Variants in TMEFF2 observed in about 807,000 individuals in gnomAD.
TMEFF2 encodes tomoregulin-2.
Under a neutral mutation model 53.8 loss-of-function variants are expected in TMEFF2, and 28 were observed. The observed-to-expected ratio is 0.52, with a 90% CI of 0.39 to 0.71. The LOEUF (loss-of-function observed/expected upper bound fraction) is 0.71. TMEFF2 is among the 30% of genes least tolerant of loss of function. The pLI is 0.00. For missense variants in TMEFF2, 353 were observed against 455.2 expected, an observed-to-expected ratio of 0.78 and a Z score of 2.04; for synonymous variants, 162 against 166.3, an observed-to-expected ratio of 0.97 and a Z score of 0.20.
intron 4 of TMEFF2, among the ~76,000 whole-genome samples, chr2:192,149,427 C>A (rs1466028715): frequency 1.3e-5 from 2 of 151,826 alleles, no homozygotes; most frequent in Non-Finnish European, 2.9e-5. Flanking sequence ...AAAAATAGCT[C>A]CAATTATGCT....
intron 4 of TMEFF2, among the ~76,000 whole-genome samples, chr2:192,097,354 A>G (rs1688937320): frequency 6.6e-6 from 1 of 152,232 alleles, no homozygotes; most frequent in African/African-American, 2.4e-5. Flanking sequence ...GTATCATCTT[A>G]TCTACTCAAT....
At chr2:192,080,812 T>C (rs1688534152) in intron 4 of TMEFF2, among the ~76,000 whole-genome samples, 1 of 152,188 alleles carries the variant, frequency 6.6e-6, no homozygotes, top group African/African-American at 2.4e-5. Flanking sequence ...CAAATTTTCA[T>C]CTTCTGCTTC....
At chr2:191,960,156 A>C (rs1043232667) in intron 7 of TMEFF2, among the ~76,000 whole-genome samples, 2 of 152,106 alleles carry the variant, frequency 1.3e-5, no homozygotes, top group African/African-American at 4.8e-5. Context: ...TACAGTCGTG[A>C]GTCACTACAC....
intron 5 of TMEFF2, among the ~76,000 whole-genome samples, chr2:192,048,409 C>T (rs976634384): frequency 3.7e-5 from 5 of 134,984 alleles, no homozygotes; most frequent in African/African-American, 1.4e-4. Context: ...AAATATATCT[C>T]CAAATTTCAC....
At chr2:192,114,943 A>G (rs1285304351) in intron 4 of TMEFF2, among the ~76,000 whole-genome samples, 1 of 152,038 alleles carries the variant, frequency 6.6e-6, no homozygotes, top group Non-Finnish European at 1.5e-5. Context: ...TGTATATCAA[A>G]TCATCACACT....
Position 191,994,246 on chromosome 2 carries a change from A to C in TMEFF2, c.745+4016T>G, listed in dbSNP as rs148814309. On this transcript the variant is annotated intron_variant, in intron 7 of 9. Coordinates refer to ENST00000272771, the MANE Select transcript of TMEFF2 (RefSeq NM_016192.4). Reference sequence around the variant, plus strand: ...TATTTAAACAATTTCAATTTAAAAAATATGGAAGAAAAATACAAATGTATT... The same window carrying C: ...TATTTAAACAATTTCAATTTAAAAACTATGGAAGAAAAATACAAATGTATT... 1.6e-4 allele frequency among the ~76,000 whole-genome samples: 24 copies of C among 152,112 alleles called. No homozygotes were observed. The East Asian group carries it at 4.2e-3, about 27-fold the overall frequency.
At chr2:191,951,081 C>A (rs1442276267) in intron 9 of TMEFF2, among the ~76,000 whole-genome samples, 1 of 151,256 alleles carries the variant, frequency 6.6e-6, no homozygotes, top group African/African-American at 2.4e-5. Flanking sequence ...TTATAATAAT[C>A]TGTGAAGTAT....
At chr2:191,992,889 C>T (rs1291652218) in intron 7 of TMEFF2, among the ~76,000 whole-genome samples, 2 of 151,964 alleles carry the variant, frequency 1.3e-5, no homozygotes, top group Admixed American at 6.6e-5. Context: ...CTGGAACTGC[C>T]AAATGGTTAA....
At chr2:191,993,321 G>A (rs2105828711) in intron 7 of TMEFF2, among the ~76,000 whole-genome samples, 1 of 152,038 alleles carries the variant, frequency 6.6e-6, no homozygotes, top group African/African-American at 2.4e-5. Flanking sequence ...TGAGATTAAT[G>A]TATAAATTAT....
intron 5 of TMEFF2, among the ~76,000 whole-genome samples, chr2:192,038,701 G>T (rs963066922): frequency 6.6e-6 from 1 of 152,034 alleles, no homozygotes; most frequent in Non-Finnish European, 1.5e-5. Flanking sequence ...GCCCAGGCTG[G>T]TCTAGAACTC....
intron 5 of TMEFF2, among the ~76,000 whole-genome samples, chr2:192,010,159 CATCTT>C (rs1461757881): frequency 6.6e-6 from 1 of 152,144 alleles, no homozygotes; most frequent in Non-Finnish European, 1.5e-5. Flanking sequence ...TCTTTGTCCT[CATCTT>C]ATGTGTTTGT....
intron 5 of TMEFF2, among the ~76,000 whole-genome samples, chr2:192,041,383 C>T (rs1366789699): frequency 3.3e-5 from 5 of 152,080 alleles, no homozygotes; most frequent in African/African-American, 1.2e-4. Flanking sequence ...CACCATTAGA[C>T]CTGTGAAATG....
chr2:192,122,438 A>G (rs1689578138), intron 4 of TMEFF2, among the ~76,000 whole-genome samples: 1 of 152,228 alleles, frequency 6.6e-6, no homozygotes, highest in African/African-American at 2.4e-5. Flanking sequence ...GAAAATATTC[A>G]GGTGATAAGT....
At chr2:192,075,929 GAAGAA>G (rs1324221467) in intron 4 of TMEFF2, among the ~76,000 whole-genome samples, 9 of 151,758 alleles carry the variant, frequency 5.9e-5, no homozygotes, top group Admixed American at 3.9e-4. Context: ...ACAAATAAAG[GAAGAA>G]AAGAAAGATG....
chr2:192,123,824 G>A lies in TMEFF2; in HGVS notation c.439+55844C>T, dbSNP rs558919465. Among the ~76,000 whole-genome samples the A allele has an allele frequency of 5.3e-5, 8 of 152,324 alleles. No individual in the cohort carries two copies. The South Asian group carries it at 1.7e-3, about 32-fold the overall frequency. On this transcript the variant is annotated intron_variant, in intron 4 of 9. Coordinates refer to ENST00000272771, the MANE Select transcript of TMEFF2 (RefSeq NM_016192.4). ...CGATTTTCCTACTTGGAAAAAAAAT[G>A]TGCAGATAGCTGCCTCTTATTCACT...
chr2:192,164,241 C>G (rs1690700575), intron 4 of TMEFF2, among the ~76,000 whole-genome samples: 1 of 152,132 alleles, frequency 6.6e-6, no homozygotes, highest in African/African-American at 2.4e-5. Flanking sequence ...TCGGGCTGCA[C>G]TTACCTTCCT....
At chr2:192,005,502 C>T (rs755022201) in intron 5 of TMEFF2, among the ~76,000 whole-genome samples, 24 of 152,322 alleles carry the variant, frequency 1.6e-4, no homozygotes, top group Non-Finnish European at 2.9e-4. Flanking sequence ...TTAAACATGG[C>T]TGTCACTTAT....
intron 7 of TMEFF2, 105 bp from the exon 8 acceptor site, chr2:191,956,483 G>A (rs1692101199): frequency 8.0e-6 from 10 of 1,247,066 alleles, no homozygotes; most frequent in Non-Finnish European, 9.9e-6. Context: ...TATTTAAAAG[G>A]GCAAGAACTA....
At chr2:192,088,088 C>T (rs770794159) in intron 4 of TMEFF2, among the ~76,000 whole-genome samples, 2 of 152,046 alleles carry the variant, frequency 1.3e-5, no homozygotes, top group Admixed American at 6.6e-5. Flanking sequence ...GTTTTTTTGT[C>T]GGTAACTCAA....
Sources: allele counts gnomAD v4.1 joint callset (sites outside exome capture counted in the v4.1 genomes callset), GRCh38; gene constraint gnomAD v4.1.1; transcripts MANE v1.5; gene names NCBI Gene and HGNC (gene_info 2026-07-23, HGNC 2026-07-21).